The following SH3GL2 variants were observed in gnomAD, a reference collection of about 807,000 sequenced individuals.
SH3GL2 encodes endophilin-A1.
In SH3GL2, 24 loss-of-function variants were observed where a neutral mutation model predicts 46.0. The ratio of observed to expected loss-of-function variants is 0.52; its 90% CI spans 0.38 to 0.73. The LOEUF is 0.73. Among genes scored for constraint, SH3GL2 ranks in the 30% least tolerant of loss-of-function variants. The pLI is 0.00. For synonymous variants in SH3GL2, 196 were observed against 147.1 expected (o/e 1.33, Z -2.40); for missense variants, 413 against 424.2 (o/e 0.97, Z 0.23).
At chr9:17,733,210 G>T (rs1021558581) in intron 1 of SH3GL2, among the ~76,000 whole-genome samples, 5 of 151,976 alleles carry the variant, frequency 3.3e-5, no homozygotes, top group Admixed American at 2.0e-4. Flanking sequence ...AAGTTAGACT[G>T]CATATGCTAA....
intron 1 of SH3GL2, among the ~76,000 whole-genome samples, chr9:17,697,602 A>G (rs1821239501): frequency 6.6e-6 from 1 of 152,166 alleles, no homozygotes; most frequent in African/African-American, 2.4e-5. Context: ...GAGGAATGCA[A>G]AGCAACATGT....
chr9:17,668,858 A>G (rs1020642853), intron 1 of SH3GL2, among the ~76,000 whole-genome samples: 7 of 152,046 alleles, frequency 4.6e-5, no homozygotes, highest in Non-Finnish European at 8.8e-5. Flanking sequence ...AGGTTTTGCT[A>G]TGTTGCCTAG....
At position 17,691,137 on chromosome 9, in the gene SH3GL2, G is replaced by C. The variant is rs138024542; in HGVS notation, c.46-55929G>C. ...TGGTCTCGGCAGGTGCCACAGGCTA[G>C]ATTTTCTGCCATTTAGTTTTTGTGT... On this transcript the variant is annotated intron_variant, in intron 1 of 8. Transcript: ENST00000380607. Among the ~76,000 whole-genome samples, 985 of 152,264 alleles carry C rather than the reference G, an allele frequency of 6.5e-3. 5 individuals are homozygous for C. Among genetic ancestry groups the C allele is most frequent in the Non-Finnish European group, 9.8e-3 (665 of 68,012 alleles).
At chr9:17,780,193 G>A (rs900521382) in intron 3 of SH3GL2, among the ~76,000 whole-genome samples, 2 of 152,102 alleles carry the variant, frequency 1.3e-5, no homozygotes, top group African/African-American at 4.8e-5. Flanking sequence ...TCAAGAAACT[G>A]AACATTGTCA....
chr9:17,678,333 G>T (rs541809259), intron 1 of SH3GL2, among the ~76,000 whole-genome samples: 44 of 152,288 alleles, frequency 2.9e-4, no homozygotes, highest in African/African-American at 1.0e-3. Context: ...CATTGTAACT[G>T]GTATGAGATG....
At chr9:17,702,356 C>G (rs1171180477) in intron 1 of SH3GL2, among the ~76,000 whole-genome samples, 2 of 151,786 alleles carry the variant, frequency 1.3e-5, no homozygotes, top group Non-Finnish European at 1.5e-5. Flanking sequence ...CTGATGGAAG[C>G]TTTTCTAATT....
intron 1 of SH3GL2, among the ~76,000 whole-genome samples, chr9:17,665,141 TC>T (rs547619463): frequency 1.7e-3 from 261 of 152,284 alleles, no homozygotes; most frequent in African/African-American, 5.9e-3. Context: ...GTTTAAGAGT[TC>T]CTGTAGACTA....
At chr9:17,583,804 A>G (rs1818321140) in intron 1 of SH3GL2, among the ~76,000 whole-genome samples, 1 of 152,138 alleles carries the variant, frequency 6.6e-6, no homozygotes. Flanking sequence ...CTCTTTCAGA[A>G]TGCTGTATTT....
At chr9:17,724,392 C>T (rs1205776906) in intron 1 of SH3GL2, among the ~76,000 whole-genome samples, 2 of 152,142 alleles carry the variant, frequency 1.3e-5, no homozygotes, top group African/African-American at 4.8e-5. Flanking sequence ...TCATGCCTTA[C>T]TTTACTTCCG....
chr9:17,725,004 C>G (rs1217783138), intron 1 of SH3GL2, among the ~76,000 whole-genome samples: 1 of 152,090 alleles, frequency 6.6e-6, no homozygotes. Flanking sequence ...GGTTCTTTCT[C>G]CATTCTCTCC....
chr9:17,757,482 A>C (rs945358713), intron 2 of SH3GL2, among the ~76,000 whole-genome samples: 2 of 152,206 alleles, frequency 1.3e-5, no homozygotes, highest in Non-Finnish European at 2.9e-5. Context: ...AACCCCATCA[A>C]AAAGTGGGCG....
At chr9:17,770,789 C>T (rs991876929) in intron 3 of SH3GL2, among the ~76,000 whole-genome samples, 1 of 152,160 alleles carries the variant, frequency 6.6e-6, no homozygotes, top group African/African-American at 2.4e-5. Flanking sequence ...TAAGGGTGGC[C>T]ACTGGCCAAC....
intron 1 of SH3GL2, among the ~76,000 whole-genome samples, chr9:17,594,206 A>G (rs1005466129): frequency 3.3e-5 from 5 of 151,952 alleles, no homozygotes; most frequent in Middle Eastern, 3.4e-3. Flanking sequence ...ATCTGCTTTC[A>G]CTCTCACACT....
chr9:17,724,230 T>C (rs73645157), intron 1 of SH3GL2, among the ~76,000 whole-genome samples: 4,805 of 152,254 alleles, frequency 0.032, 100 homozygotes, highest in African/African-American at 0.055. Context: ...ATCAGGTTTG[T>C]TGATTCATTC....
At chr9:17,623,851 A>G (rs1157190103) in intron 1 of SH3GL2, among the ~76,000 whole-genome samples, 1 of 152,150 alleles carries the variant, frequency 6.6e-6, no homozygotes, top group African/African-American at 2.4e-5. Flanking sequence ...CTCTTATACT[A>G]TAACCGCAGC....
At chr9:17,693,550 C>T (rs1166576948) in intron 1 of SH3GL2, among the ~76,000 whole-genome samples, 1 of 151,210 alleles carries the variant, frequency 6.6e-6, no homozygotes, top group Admixed American at 6.7e-5. Context: ...TGTAAAGCTT[C>T]TTCAAATATG....
At chr9:17,686,124 C>T (rs1254323702) in intron 1 of SH3GL2, among the ~76,000 whole-genome samples, 2 of 135,248 alleles carry the variant, frequency 1.5e-5, no homozygotes, top group Middle Eastern at 3.5e-3. Context: ...AAAAAGTGGG[C>T]GAAGGACATG....
intron 1 of SH3GL2, among the ~76,000 whole-genome samples, chr9:17,602,731 G>C (rs1192431297): frequency 6.6e-6 from 1 of 152,172 alleles, no homozygotes; most frequent in Non-Finnish European, 1.5e-5. Flanking sequence ...GTGGGAATAA[G>C]GTAGGAAACA....
At chr9:17,766,361 A>C (rs190732874) in intron 3 of SH3GL2, among the ~76,000 whole-genome samples, 4 of 152,362 alleles carry the variant, frequency 2.6e-5, no homozygotes, top group Admixed American at 2.6e-4. Flanking sequence ...ATATAATTTG[A>C]ATATAGAAAG....
Sources: allele counts gnomAD v4.1 joint callset (sites outside exome capture counted in the v4.1 genomes callset), GRCh38; gene constraint gnomAD v4.1.1; transcripts MANE v1.5; gene names NCBI Gene and HGNC (gene_info 2026-07-23, HGNC 2026-07-21).